Variants in GPATCH1 observed in about 807,000 individuals in gnomAD.
The protein encoded by GPATCH1 is G-patch domain containing 1, also known as G patch domain-containing protein 1.
In GPATCH1, 73 loss-of-function variants were observed where a neutral mutation model predicts 114.9. The observed-to-expected ratio is 0.64, with a 90% confidence interval of 0.53 to 0.77. The LOEUF (loss-of-function observed/expected upper bound fraction) is 0.77. GPATCH1 is among the 30% of genes least tolerant of loss of function. The pLI, the probability that GPATCH1 is intolerant of heterozygous loss-of-function variation, is 0.00. For synonymous variants in GPATCH1, 391 were observed against 428.4 expected (o/e 0.91, Z 1.08); for missense variants, 1,058 against 1,144.3 (o/e 0.92, Z 1.09).
chr19:33,082,870 C>T (rs1435113014), intron 1 of GPATCH1, among the ~76,000 whole-genome samples: 1 of 152,066 alleles, frequency 6.6e-6, no homozygotes, highest in Non-Finnish European at 1.5e-5. Context: ...TGACCTCAAG[C>T]GATGCTCTCA....
chr19:33,097,386 T>C (rs1340166578), intron 7 of GPATCH1, among the ~76,000 whole-genome samples: 2 of 152,208 alleles, frequency 1.3e-5, no homozygotes, highest in Non-Finnish European at 2.9e-5. Flanking sequence ...GCCACCAGCG[T>C]TGGCCCAGGC....
intron 11 of GPATCH1, 69 bp from the exon 12 acceptor site, chr19:33,111,655 C>T: frequency 7.3e-7 from 1 of 1,367,126 alleles, no homozygotes; most frequent in Non-Finnish European, 1.0e-6. Flanking sequence ...TGGTGCCCAG[C>T]AGATGTTCTC....
intron 9 of GPATCH1, among the ~76,000 whole-genome samples, chr19:33,105,895 C>T (rs149194808): frequency 0.011 from 1,674 of 150,364 alleles, 11 homozygotes; most frequent in Middle Eastern, 0.034. Flanking sequence ...AGCTCTGCAC[C>T]GGGGTGCAGT....
intron 15 of GPATCH1, among the ~76,000 whole-genome samples, chr19:33,117,346 G>C (rs1240725354): frequency 6.6e-6 from 1 of 152,118 alleles, no homozygotes; most frequent in Non-Finnish European, 1.5e-5. Flanking sequence ...TTTTGTTTGG[G>C]GTTTGTTAAG....
chr19:33,123,246 CAAAA>C (rs1453420045), intron 17 of GPATCH1, among the ~76,000 whole-genome samples: 1 of 151,382 alleles, frequency 6.6e-6, no homozygotes, highest in Non-Finnish European at 1.5e-5. Context: ...ACTAAAAATA[CAAAA>C]TTAGCCAGGC....
intron 8 of GPATCH1, chr19:33,100,216 G>C (rs1972710043): frequency 6.6e-6 from 1 of 151,924 alleles, no homozygotes; most frequent in African/African-American, 2.4e-5. Context: ...TCTGGGTTTT[G>C]AGATAATACA....
At chr19:33,118,178 T>C in intron 16 of GPATCH1, 137 bp downstream of exon 16, 4 of 251,656 alleles carry the variant, frequency 1.6e-5, no homozygotes, top group African/African-American at 1.0e-4. Flanking sequence ...TGTATATAAT[T>C]TTTTTTTTTT....
chr19:33,116,587 T>G (rs1198576955), intron 15 of GPATCH1, among the ~76,000 whole-genome samples: 1 of 152,206 alleles, frequency 6.6e-6, no homozygotes, highest in Non-Finnish European at 1.5e-5. Flanking sequence ...TGGAGGGCAG[T>G]GGCGCGATCT....
chr19:33,099,047 TATATC>T (rs1972695591), intron 8 of GPATCH1, among the ~76,000 whole-genome samples: 1 of 148,838 alleles, frequency 6.7e-6, no homozygotes, highest in Non-Finnish European at 1.5e-5. Flanking sequence ...GATATATTAA[TATATC>T]ATAATATACT....
Position 33,085,597 on chromosome 19 carries a change from T to C in GPATCH1, c.74-2537T>C, listed in dbSNP as rs149046450. Among the ~76,000 whole-genome samples the C allele has an allele frequency of 6.6e-4, 100 of 152,212 alleles. 1 individual carries two copies. The highest frequency in any genetic ancestry group is 1.0e-3 in the Non-Finnish European group (70 of 68,014). ...CAGGGAATGAGAGGAAGGAACAGTATAGGAGGCATCTCTGGCTTGGAGACA... is the reference window on the plus strand; with the variant it reads ...CAGGGAATGAGAGGAAGGAACAGTACAGGAGGCATCTCTGGCTTGGAGACA... On this transcript the variant is annotated intron_variant, in intron 1 of 19. Transcript: ENST00000170564.
At chr19:33,083,396 GTTTT>G (rs763617937) in intron 1 of GPATCH1, among the ~76,000 whole-genome samples, 1 of 138,614 alleles carries the variant, frequency 7.2e-6, no homozygotes, top group Non-Finnish European at 1.6e-5. Flanking sequence ...CCATGTTTTT[GTTTT>G]TTTTTTTTTT....
intron 7 of GPATCH1, among the ~76,000 whole-genome samples, chr19:33,097,298 A>G (rs1214139120): frequency 6.6e-6 from 1 of 152,128 alleles, no homozygotes; most frequent in Non-Finnish European, 1.5e-5. Context: ...CAAAAATGCT[A>G]CTTGTTAGAG....
chr19:33,114,132 C>T, intron 14 of GPATCH1, 121 bp from the exon 15 acceptor site: 1 of 1,017,518 alleles, frequency 9.8e-7, no homozygotes, highest in East Asian at 2.4e-5. Context: ...TCCCCAGGAC[C>T]CTACACAGTG....
In GPATCH1 at chr19:33,094,165, A is replaced by C. The variant is rs1351022619; in HGVS notation, c.456-7A>C. 6.9e-7 allele frequency: 1 copy of C among 1,450,808 alleles called. No homozygotes were observed. The highest frequency in any genetic ancestry group is 1.7e-4 in the Middle Eastern group (1 of 5,782). 89.9% of individuals were successfully genotyped at this position (1,450,808 alleles called of 1,614,324 possible). ...AAAAGTTCATTTTCAATGCCTTGCTATCCTAGATTATCTGTTGGTTTCGAA... is the reference window on the plus strand; with the variant it reads ...AAAAGTTCATTTTCAATGCCTTGCTCTCCTAGATTATCTGTTGGTTTCGAA... On this transcript the variant is annotated splice_polypyrimidine_tract_variant and splice_region_variant and intron_variant, in intron 4 of 19. Transcript: ENST00000170564.
chr19:33,125,350 T>A (rs10411529), intron 18 of GPATCH1, 148 bp downstream of exon 18: 1 of 871,416 alleles, frequency 1.1e-6, no homozygotes, highest in East Asian at 2.7e-5. Flanking sequence ...GACATTCAAT[T>A]CAAATGCTTG....
chr19:33,091,612 G>A (rs1972596646), intron 3 of GPATCH1, among the ~76,000 whole-genome samples: 1 of 151,958 alleles, frequency 6.6e-6, no homozygotes, highest in Non-Finnish European at 1.5e-5. Flanking sequence ...TAAATAGGGA[G>A]GGAGAGCATC....
intron 17 of GPATCH1, 136 bp downstream of exon 17, chr19:33,119,253 G>A (rs1039573192): frequency 5.3e-5 from 27 of 511,882 alleles, no homozygotes; most frequent in Admixed American, 2.9e-4. Context: ...TTTTAAACCC[G>A]TTGTCTCCAC....
Position 33,101,517 on chromosome 19 carries a change from C to A in GPATCH1, c.1023C>A (p.Tyr341Ter). 2 of 1,597,828 alleles carry A rather than the reference C, an allele frequency of 1.3e-6. No individual in the cohort carries two copies. The highest frequency in any genetic ancestry group is 1.7e-6 in the Non-Finnish European group (2 of 1,165,446). Residue 341 changes from tyrosine (Y) to a stop codon, truncating the protein, a stop_gained, in exon 9 of 20, where the codon TAC (tyrosine) becomes TAA (stop). Coordinates refer to ENST00000170564, the MANE Select transcript of GPATCH1 (RefSeq NM_018025.3). LOFTEE classifies it high-confidence loss of function. ...TAGAATCAGAGAAAGACCTTCGGTA[C>A]GTTGGCAAAATTTTGGATGGATTTT... Reference protein sequence around the residue: ...NQKESEKDLRYVGKILDGFSL... With the variant: ...NQKESEKDLR
chr19:33,096,498 C>T lies in GPATCH1; in HGVS notation c.852+52C>T, dbSNP rs780483718. The T allele has an allele frequency of 2.2e-5, 31 of 1,401,260 alleles. 1 individual carries two copies. The South Asian group carries it at 4.0e-4, about 18-fold the overall frequency. 86.8% of individuals were successfully genotyped at this position (1,401,260 alleles called of 1,614,324 possible). A position where few individuals can be genotyped will look rare whatever the true frequency, so the allele number is the denominator to read the frequency against. On this transcript the variant is annotated intron_variant, in intron 7 of 19. Coordinates refer to ENST00000170564, the MANE Select transcript of GPATCH1 (RefSeq NM_018025.3). Reference sequence around the variant, plus strand: ...GGGGAGTCATTGATAAATGAGTCTACTTTCTTTCTTTCTTCTTTTTAGAGG... The same window carrying T: ...GGGGAGTCATTGATAAATGAGTCTATTTTCTTTCTTTCTTCTTTTTAGAGG...
Sources: allele counts gnomAD v4.1 joint callset (sites outside exome capture counted in the v4.1 genomes callset), GRCh38; gene constraint gnomAD v4.1.1; transcripts MANE v1.5; gene names NCBI Gene and HGNC (gene_info 2026-07-23, HGNC 2026-07-21).